XPNPEP1: variants seen among roughly 807,000 people sequenced by gnomAD.
The protein encoded by XPNPEP1 is X-prolyl aminopeptidase 1.
XPNPEP1 carries 39 observed loss-of-function variants against 92.4 expected under a neutral mutation model. The ratio of observed to expected loss-of-function variants is 0.42; its 90% CI spans 0.33 to 0.55. XPNPEP1 has a LOEUF of 0.55. XPNPEP1 is among the 20% of genes least tolerant of loss of function. XPNPEP1 has a pLI of 0.08. For synonymous variants in XPNPEP1, 307 were observed against 299.4 expected (o/e 1.03, Z -0.26); for missense variants, 654 against 856.1 (o/e 0.76, Z 2.95).
At chr10:109,894,943 TA>T (rs1338959541) in intron 3 of XPNPEP1, among the ~76,000 whole-genome samples, 6 of 152,160 alleles carry the variant, frequency 3.9e-5, no homozygotes, top group African/African-American at 7.2e-5. Context: ...GACTTTTTAT[TA>T]AAAAGTAACA....
rs1847081840 is a variant in XPNPEP1 at position 109,865,381 on chromosome 10, C to T, written c.1873-69G>A. ...TTTAACAACTGGCTACACAGGTCAA[C>T]AGCAAAGGCCCCCATGTGCTAAGAT... is the stretch of plus-strand genomic sequence containing the variant. On this transcript the variant is annotated intron_variant, in intron 20 of 20. Transcript: ENST00000502935. The T allele has an allele frequency of 1.9e-6, 3 of 1,595,508 alleles. No homozygotes were observed. In the African/African-American group the frequency reaches 4.0e-5, roughly 21 times the overall value.
At chr10:109,923,003 C>A (rs1850635060) in intron 1 of XPNPEP1, among the ~76,000 whole-genome samples, 2 of 152,202 alleles carry the variant, frequency 1.3e-5, no homozygotes, top group East Asian at 3.8e-4. Flanking sequence ...GGTTTAGATT[C>A]CTGGGTAACA....
chr10:109,872,567 A>T (rs1847548970), intron 16 of XPNPEP1, among the ~76,000 whole-genome samples: 1 of 152,224 alleles, frequency 6.6e-6, no homozygotes, highest in Non-Finnish European at 1.5e-5. Context: ...AATTCTTCTA[A>T]GGCACTGGTG....
At chr10:109,906,629 T>C (rs970187838) in intron 3 of XPNPEP1, among the ~76,000 whole-genome samples, 1 of 152,304 alleles carries the variant, frequency 6.6e-6, no homozygotes, top group African/African-American at 2.4e-5. Flanking sequence ...GCAGTTTCTA[T>C]TACCTGCAAC....
chr10:109,884,876 G>A (rs543213192), intron 8 of XPNPEP1, among the ~76,000 whole-genome samples: 1 of 152,250 alleles, frequency 6.6e-6, no homozygotes, highest in East Asian at 1.9e-4. Context: ...GAGGATCAGA[G>A]CAAAAAAACG....
At chr10:109,917,609 T>C (rs1850264116) in intron 1 of XPNPEP1, among the ~76,000 whole-genome samples, 1 of 152,140 alleles carries the variant, frequency 6.6e-6, no homozygotes. Flanking sequence ...AGCTTGGAGG[T>C]TGAAACTGAC....
Position 109,875,453 on chromosome 10 carries a change from C to G in XPNPEP1, c.1391+75G>C, listed in dbSNP as rs1030401173. ...GCGATGACCAGCTGAGTGCTCTCAGCTGGAGCTCAGCTGTCCACCTTCTCC... is the reference window on the plus strand; with the variant it reads ...GCGATGACCAGCTGAGTGCTCTCAGGTGGAGCTCAGCTGTCCACCTTCTCC... On this transcript the variant is annotated intron_variant, in intron 15 of 20. Coordinates refer to ENST00000502935, the MANE Select transcript of XPNPEP1 (RefSeq NM_020383.4). The G allele has an allele frequency of 5.7e-6, 8 of 1,396,732 alleles. No homozygotes were observed. The African/African-American group carries it at 7.1e-5, about 12-fold the overall frequency. The allele number at this position is 1,396,732 out of a possible 1,614,324, so 86.5% of individuals were successfully genotyped here. A position where few individuals can be genotyped will look rare whatever the true frequency, so the allele number is the denominator to read the frequency against.
rs533907748 is a variant in XPNPEP1, at chr10:109,867,375, T to C, written c.1872+1239A>G. Reference sequence around the variant, plus strand: ...CTGAGTTTCCTTTTCCATATCCATCTACAAGCTGCATAACCCACCCGGTAT... The same window carrying C: ...CTGAGTTTCCTTTTCCATATCCATCCACAAGCTGCATAACCCACCCGGTAT... On this transcript the variant is annotated intron_variant, in intron 20 of 20. Coordinates refer to ENST00000502935, the MANE Select transcript of XPNPEP1 (RefSeq NM_020383.4). This position sits in a 1 kb window ranked among gnomAD's most constrained non-coding sequence, Gnocchi z 4.5. Among the ~76,000 whole-genome samples the C allele has an allele frequency of 6.6e-6, 1 of 152,354 alleles. No individual in the cohort carries two copies. The highest frequency in any genetic ancestry group is 6.5e-5 in the Admixed American group (1 of 15,310).
intron 3 of XPNPEP1, among the ~76,000 whole-genome samples, chr10:109,896,565 G>A (rs1007145231): frequency 2.6e-5 from 4 of 151,250 alleles, no homozygotes; most frequent in Non-Finnish European, 5.9e-5. Context: ...CCACCATGCT[G>A]GGCAATGTTT....
At chr10:109,884,005 A>G (rs1348750011) in intron 9 of XPNPEP1, 62 bp downstream of exon 9, 2 of 1,484,150 alleles carry the variant, frequency 1.3e-6, no homozygotes, top group East Asian at 2.4e-5. Context: ...AGGACCAGAA[A>G]GGGCACACTA....
intron 3 of XPNPEP1, among the ~76,000 whole-genome samples, chr10:109,906,987 G>T (rs1293362932): frequency 2.0e-5 from 3 of 152,134 alleles, no homozygotes; most frequent in African/African-American, 7.2e-5. Context: ...GTATGTGCAT[G>T]TACATCTAAA....
intron 3 of XPNPEP1, among the ~76,000 whole-genome samples, chr10:109,899,731 C>T (rs1345599283): frequency 6.6e-6 from 1 of 152,184 alleles, no homozygotes; most frequent in Non-Finnish European, 1.5e-5. Flanking sequence ...ACAAACAAAG[C>T]CAAAAATTCA....
chr10:109,890,610 GA>G (rs1488495453), intron 5 of XPNPEP1, among the ~76,000 whole-genome samples: 4 of 151,632 alleles, frequency 2.6e-5, no homozygotes, highest in African/African-American at 9.7e-5. Flanking sequence ...GAGAGAGAGA[GA>G]GAGAGAGAGA....
intron 3 of XPNPEP1, 71 bp downstream of exon 3, chr10:109,907,620 A>G: frequency 6.3e-7 from 1 of 1,593,942 alleles, no homozygotes; most frequent in Non-Finnish European, 8.6e-7. Context: ...TGACAATTAG[A>G]ATCCTACAAA....
chr10:109,917,392 CA>C (rs1456080913), intron 1 of XPNPEP1, among the ~76,000 whole-genome samples: 2 of 151,890 alleles, frequency 1.3e-5, no homozygotes, highest in Non-Finnish European at 2.9e-5. Context: ...ATATCAAAAA[CA>C]AAAAATAGTT....
intron 3 of XPNPEP1, among the ~76,000 whole-genome samples, chr10:109,898,905 T>A (rs979139040): frequency 2.6e-5 from 4 of 152,316 alleles, no homozygotes; most frequent in African/African-American, 9.6e-5. Flanking sequence ...TGACTAAAGT[T>A]ACTAGAGTCC....
At chr10:109,914,555 G>C (rs1054563365) in intron 2 of XPNPEP1, among the ~76,000 whole-genome samples, 24 of 152,138 alleles carry the variant, frequency 1.6e-4, no homozygotes, top group African/African-American at 5.3e-4. Context: ...CCAGCACTTT[G>C]GGAGGCCAAG....
chr10:109,898,689 G>A (rs752736555), intron 3 of XPNPEP1, among the ~76,000 whole-genome samples: 1 of 152,234 alleles, frequency 6.6e-6, no homozygotes, highest in Non-Finnish European at 1.5e-5. Context: ...TTCTGTAAAG[G>A]CCGTCTGAAG....
Position 109,880,850 on chromosome 10 carries a change from G to A in XPNPEP1, c.1123C>T (p.Arg375Trp), listed in dbSNP as rs565503742. The change falls in exon 11 of 21, where the codon CGG becomes TGG. Residue 375 changes from arginine to tryptophan, a missense_variant. Physicochemically the swap from Arg to Trp is moderately radical, Grantham distance 101 (BLOSUM62 -3). Transcript: ENST00000502935. ...CCAGCTCCTCTACTCACGTGAGCCC[G>A]CCTCATGCCTTCTGACTCAGCTGAA... ...KNSAESEGMR[R>W]AHIKDAVALC... 1.2e-5 allele frequency: 19 copies of A among 1,613,876 alleles called. No individual in the cohort carries two copies. The highest frequency in any genetic ancestry group is 3.3e-5 in the South Asian group (3 of 91,000).
Sources: gnomAD v4.1 joint callset for allele counts (sites outside exome capture counted in the v4.1 genomes callset) on GRCh38, gnomAD v4.1.1 for gene constraint, Gnocchi (gnomAD v3.1) non-coding constraint, MANE v1.5 for transcripts, NCBI Gene and HGNC (gene_info 2026-07-23, HGNC 2026-07-21) for gene names.